Variants in ZDHHC20 observed in about 807,000 individuals in gnomAD.
The protein encoded by ZDHHC20 is zDHHC palmitoyltransferase 20.
In ZDHHC20, 43 loss-of-function variants were observed where a neutral mutation model predicts 57.8. The observed-to-expected ratio is 0.74, with a 90% CI of 0.58 to 0.96. The LOEUF (loss-of-function observed/expected upper bound fraction) is 0.96. ZDHHC20 is among the 40% of genes least tolerant of loss of function. ZDHHC20 has a pLI of 0.00. For synonymous variants in ZDHHC20, 157 were observed against 153.0 expected, an observed-to-expected ratio of 1.03 and a Z score of -0.19; for missense variants, 391 against 441.1, an observed-to-expected ratio of 0.89 and a Z score of 1.02.
At chr13:21,395,982 T>C (rs1876725229) in intron 7 of ZDHHC20, among the ~76,000 whole-genome samples, 1 of 152,082 alleles carries the variant, frequency 6.6e-6, no homozygotes, top group Non-Finnish European at 1.5e-5. Context: ...CTCTTCTATC[T>C]GCCTTTTACA....
intron 1 of ZDHHC20, among the ~76,000 whole-genome samples, chr13:21,429,949 C>T (rs1285395607): frequency 6.6e-6 from 1 of 152,056 alleles, no homozygotes; most frequent in Non-Finnish European, 1.5e-5. Flanking sequence ...CCATCTGGTT[C>T]TTTACATCTT....
At chr13:21,400,555 A>G in intron 6 of ZDHHC20, 62 bp from the exon 7 acceptor site, 2 of 1,498,218 alleles carry the variant, frequency 1.3e-6, no homozygotes, top group Non-Finnish European at 1.8e-6. Context: ...ACAGAAATAG[A>G]AAGTAGGATG....
chr13:21,382,844 A>C, intron 10 of ZDHHC20, 76 bp downstream of exon 10: 1 of 1,217,360 alleles, frequency 8.2e-7, no homozygotes, highest in Non-Finnish European at 1.2e-6. Flanking sequence ...GTATTTACTC[A>C]TAAGATGTAC....
rs781357378 is a variant in ZDHHC20, at chr13:21,375,282, T to C, written c.*1414A>G. On this transcript the variant is annotated 3_prime_UTR_variant, in exon 13 of 13. Coordinates refer to ENST00000400590, the MANE Select transcript of ZDHHC20 (RefSeq NM_001330059.2). ...ACAGACAGGAAGCTCCAACCTGTAG[T>C]ACTCACAGATGCTGCTGAGATTCAT... 4 of 410,846 alleles carry C rather than the reference T, an allele frequency of 9.7e-6. No individual in the cohort carries two copies. Among genetic ancestry groups the C allele is most frequent in the Non-Finnish European group, 1.9e-5 (4 of 207,804 alleles). 25.5% of individuals were successfully genotyped at this position (410,846 alleles called of 1,614,324 possible).
intron 11 of ZDHHC20, among the ~76,000 whole-genome samples, chr13:21,379,540 CG>C (rs1566059402): frequency 6.6e-6 from 1 of 152,114 alleles, no homozygotes; most frequent in Non-Finnish European, 1.5e-5. Context: ...CCTCAGCCTC[CG>C]GAAGTGCTGG....
At chr13:21,458,978 G>A (rs994961894) in intron 1 of ZDHHC20, 76 bp downstream of exon 1, 4 of 1,122,604 alleles carry the variant, frequency 3.6e-6, no homozygotes, top group Admixed American at 3.2e-5. Context: ...AAGGCGGCGG[G>A]TGTGGGGCGC....
chr13:21,390,354 A>G (rs1273803537), intron 8 of ZDHHC20: 1 of 152,232 alleles, frequency 6.6e-6, no homozygotes, highest in East Asian at 1.9e-4. Flanking sequence ...TCAGTGAGCA[A>G]TGCCACCATT....
At chr13:21,403,393 A>C (rs1877988997) in intron 4 of ZDHHC20, among the ~76,000 whole-genome samples, 1 of 152,200 alleles carries the variant, frequency 6.6e-6, no homozygotes, top group Non-Finnish European at 1.5e-5. Flanking sequence ...TTTTCCACTA[A>C]ATCCTAATAT....
intron 11 of ZDHHC20, among the ~76,000 whole-genome samples, 153 bp downstream of exon 11, chr13:21,381,281 C>T (rs1873358404): frequency 6.6e-6 from 1 of 152,122 alleles, no homozygotes; most frequent in Admixed American, 6.5e-5. Context: ...GTTGGGATTA[C>T]AGGCGTGAGC....
intron 1 of ZDHHC20, among the ~76,000 whole-genome samples, chr13:21,436,484 AC>A (rs1882555792): frequency 1.3e-5 from 2 of 152,140 alleles, no homozygotes; most frequent in South Asian, 4.1e-4. Context: ...CAGTATTTCA[AC>A]CTTTTTCATT....
At chr13:21,395,095 C>A (rs1876540832) in intron 7 of ZDHHC20, among the ~76,000 whole-genome samples, 1 of 148,144 alleles carries the variant, frequency 6.8e-6, no homozygotes, top group South Asian at 2.1e-4. Context: ...GAGATAGAGT[C>A]TCGATCTGTA....
intron 1 of ZDHHC20, among the ~76,000 whole-genome samples, chr13:21,452,798 AAAGT>A (rs1167185202): frequency 1.3e-5 from 2 of 152,206 alleles, no homozygotes; most frequent in African/African-American, 4.8e-5. Context: ...AGCAATCAAT[AAAGT>A]AACAAAAAGA....
intron 1 of ZDHHC20, among the ~76,000 whole-genome samples, chr13:21,437,838 C>T (rs1036382414): frequency 5.9e-5 from 9 of 152,190 alleles, no homozygotes; most frequent in Admixed American, 4.6e-4. Flanking sequence ...ACTACAGGCG[C>T]CCGCCACCAC....
chr13:21,455,608 TC>T (rs1884850408), intron 1 of ZDHHC20, among the ~76,000 whole-genome samples: 1 of 151,260 alleles, frequency 6.6e-6, no homozygotes, highest in Non-Finnish European at 1.5e-5. Context: ...CTCAATTTTG[TC>T]CTCAGTATTA....
intron 1 of ZDHHC20, among the ~76,000 whole-genome samples, chr13:21,442,082 T>A (rs1883234593): frequency 6.6e-6 from 1 of 152,220 alleles, no homozygotes; most frequent in African/African-American, 2.4e-5. Context: ...ACGTTATGTA[T>A]CCCTATTTTA....
chr13:21,427,050 C>T (rs1002932627), intron 1 of ZDHHC20, among the ~76,000 whole-genome samples: 1 of 152,214 alleles, frequency 6.6e-6, no homozygotes, highest in South Asian at 2.1e-4. Flanking sequence ...GAATACTCCT[C>T]TGTAAAGTCT....
chr13:21,445,456 AACGGGC>A (rs1179440456), intron 1 of ZDHHC20, among the ~76,000 whole-genome samples: 3 of 152,244 alleles, frequency 2.0e-5, no homozygotes, highest in Admixed American at 2.0e-4. Context: ...TCAGACACAC[AACGGGC>A]ATACAATAAA....
rs1304195395 is a variant in ZDHHC20, at chr13:21,448,631, C to T, written c.118+10423G>A. ...CCCCTGCCCGGCCGGCCGCCCCGTC[C>T]GGGAGGTGAGGGGCGCCTCTGCCCG... is the stretch of plus-strand genomic sequence containing the variant. On this transcript the variant is annotated intron_variant, in intron 1 of 12. Transcript: ENST00000400590. Among the ~76,000 whole-genome samples, 13 of 96,608 alleles carry T rather than the reference C, an allele frequency of 1.3e-4. 4 individuals carry two copies. The highest frequency in any genetic ancestry group is 2.4e-4 in the Non-Finnish European group (9 of 37,034). 63.4% of individuals were successfully genotyped at this position (96,608 alleles called of 152,430 possible).
At chr13:21,450,290 A>G (rs1884322677) in intron 1 of ZDHHC20, among the ~76,000 whole-genome samples, 1 of 152,140 alleles carries the variant, frequency 6.6e-6, no homozygotes, top group African/African-American at 2.4e-5. Context: ...GCGGGCAGAG[A>G]AGCAGCCAGG....
Sources: gnomAD v4.1 joint callset for allele counts (sites outside exome capture counted in the v4.1 genomes callset) on GRCh38, gnomAD v4.1.1 for gene constraint, MANE v1.5 for transcripts, NCBI Gene and HGNC (gene_info 2026-07-23, HGNC 2026-07-21) for gene names.